CNTNAP5: variants seen among roughly 807,000 people sequenced by gnomAD.
CNTNAP5 encodes the protein contactin-associated protein-like 5.
Under a neutral mutation model 150.2 loss-of-function variants are expected in CNTNAP5, and 72 were observed. That is an observed-to-expected ratio of 0.48 (90% CI 0.40 to 0.58). The LOEUF is 0.58. Among genes scored for constraint, CNTNAP5 ranks in the 20% least tolerant of loss-of-function variants. CNTNAP5 has a pLI of 0.00. For missense variants in CNTNAP5, 1,636 were observed against 1,626.2 expected (o/e 1.01, Z -0.10); for synonymous variants, 672 against 619.8 (o/e 1.08, Z -1.25).
intron 12 of CNTNAP5, among the ~76,000 whole-genome samples, chr2:124,627,629 T>A (rs1011042725): frequency 6.6e-6 from 1 of 151,362 alleles, no homozygotes; most frequent in East Asian, 1.9e-4. Context: ...GCAGAAACAC[T>A]GAAAAATCCC....
intron 11 of CNTNAP5, among the ~76,000 whole-genome samples, chr2:124,588,107 C>G (rs1423571220): frequency 2.0e-5 from 3 of 148,204 alleles, no homozygotes; most frequent in African/African-American, 7.6e-5. Flanking sequence ...TTCTTCCTTC[C>G]TTCCCTCCTT....
At chr2:124,588,753 G>C (rs904675135) in intron 11 of CNTNAP5, among the ~76,000 whole-genome samples, 1 of 152,074 alleles carries the variant, frequency 6.6e-6, no homozygotes, top group African/African-American at 2.4e-5. Context: ...CTGTTGCTAC[G>C]TTTTATCTTA....
At chr2:124,337,215 G>A (rs1689495026) in intron 3 of CNTNAP5, among the ~76,000 whole-genome samples, 1 of 152,014 alleles carries the variant, frequency 6.6e-6, no homozygotes, top group Admixed American at 6.6e-5. Context: ...TTGTTGATGG[G>A]GTTGTTTGTT....
chr2:124,548,744 G>A (rs1458214730), intron 10 of CNTNAP5, among the ~76,000 whole-genome samples: 8 of 152,180 alleles, frequency 5.3e-5, no homozygotes, highest in Non-Finnish European at 1.0e-4. Flanking sequence ...AGAGTTCACA[G>A]TTACTTACAT....
intron 13 of CNTNAP5, among the ~76,000 whole-genome samples, chr2:124,710,013 C>CAA (rs70999206): frequency 0.16 from 24,639 of 151,836 alleles, 2,254 homozygotes; most frequent in East Asian, 0.23. Context: ...TACAAAATTA[C>CAA]AAAAAAAGTG....
intron 1 of CNTNAP5, among the ~76,000 whole-genome samples, chr2:124,185,153 C>T (rs1027605058): frequency 6.6e-6 from 1 of 152,152 alleles, no homozygotes; most frequent in Admixed American, 6.5e-5. Flanking sequence ...ATTAAAATTC[C>T]TTTTGCATGT....
chr2:124,743,457 A>T (rs1214266877), intron 13 of CNTNAP5, among the ~76,000 whole-genome samples: 2 of 152,096 alleles, frequency 1.3e-5, no homozygotes, highest in Admixed American at 1.3e-4. Context: ...CTCTGATGGG[A>T]AGATAGCCCC....
rs372092551 is a variant in CNTNAP5, at chr2:124,282,148, G to A, written c.381+39755G>A. Among the ~76,000 whole-genome samples the A allele has an allele frequency of 2.0e-4, 31 of 152,214 alleles. No individual in the cohort carries two copies. The East Asian group carries it at 3.3e-3, about 16-fold the overall frequency. ...AGCATAGGCACCCAAAAAGGGCAAA[G>A]CATTACTGATGGTAAAACAAAGGGC... On this transcript the variant is annotated intron_variant, in intron 3 of 23. Coordinates refer to ENST00000682447, the MANE Select transcript of CNTNAP5 (RefSeq NM_001367498.1).
chr2:124,577,724 G>T (rs1346611613), intron 11 of CNTNAP5, among the ~76,000 whole-genome samples: 1 of 152,156 alleles, frequency 6.6e-6, no homozygotes, highest in Non-Finnish European at 1.5e-5. Context: ...AGGAGAAGGA[G>T]ATGAGCCGTA....
At chr2:124,336,230 A>G (rs906074483) in intron 3 of CNTNAP5, among the ~76,000 whole-genome samples, 79 of 151,988 alleles carry the variant, frequency 5.2e-4, no homozygotes, top group African/African-American at 1.9e-3. Context: ...AAAGGTTGCC[A>G]TATTATACAA....
intron 21 of CNTNAP5, among the ~76,000 whole-genome samples, chr2:124,883,260 C>G (rs187256871): frequency 2.0e-5 from 3 of 151,944 alleles, no homozygotes; most frequent in Non-Finnish European, 4.4e-5. Context: ...TGGGCTTTCA[C>G]CATGTTGCCC....
intron 1 of CNTNAP5, among the ~76,000 whole-genome samples, chr2:124,220,161 T>A (rs1686268068): frequency 6.6e-6 from 1 of 151,716 alleles, no homozygotes; most frequent in Non-Finnish European, 1.5e-5. Context: ...AAAAAATAAA[T>A]CAAACCAATT....
intron 3 of CNTNAP5, among the ~76,000 whole-genome samples, chr2:124,302,467 T>C (rs2104647413): frequency 6.6e-6 from 1 of 152,260 alleles, no homozygotes; most frequent in South Asian, 2.1e-4. Flanking sequence ...AGAGTCTTTG[T>C]GATGCATCAT....
At chr2:124,705,180 C>G (rs1321743027) in intron 13 of CNTNAP5, among the ~76,000 whole-genome samples, 1 of 152,082 alleles carries the variant, frequency 6.6e-6, no homozygotes, top group Non-Finnish European at 1.5e-5. Context: ...GTCTGTGTAA[C>G]TCTCCTTTCC....
At chr2:124,547,674 G>A (rs943340799) in intron 10 of CNTNAP5, among the ~76,000 whole-genome samples, 3 of 152,206 alleles carry the variant, frequency 2.0e-5, no homozygotes, top group Non-Finnish European at 2.9e-5. Flanking sequence ...GGTCCAGCCA[G>A]GCCAAAGAGA....
At position 124,422,329 on chromosome 2, in the gene CNTNAP5, T is replaced by G. The variant is rs572773309; in HGVS notation, c.529+4739T>G. 2.0e-5 allele frequency among the ~76,000 whole-genome samples: 3 copies of G among 152,338 alleles called. No individual in the cohort carries two copies. The South Asian group carries it at 6.2e-4, about 32-fold the overall frequency. On this transcript the variant is annotated intron_variant, in intron 4 of 23. Coordinates refer to ENST00000682447, the MANE Select transcript of CNTNAP5 (RefSeq NM_001367498.1). ...TCTACATTTTGGAAATATTAACATA[T>G]TTCTTCCACTAATTTATTCATTCAG...
rs182104116 is a variant in CNTNAP5, at chr2:124,074,430, C to T, written c.82+48698C>T. On this transcript the variant is annotated intron_variant, in intron 1 of 23. Coordinates refer to ENST00000682447, the MANE Select transcript of CNTNAP5 (RefSeq NM_001367498.1). ...GATGTGATTATTACACATTCCATGC[C>T]TATATCAAAGTATCTCATGTACCCC... 2.1e-4 allele frequency among the ~76,000 whole-genome samples: 32 copies of T among 152,218 alleles called. 1 individual carries two copies. In the East Asian group the frequency reaches 4.6e-3, roughly 22 times the overall value.
chr2:124,313,658 C>G (rs1017850567), intron 3 of CNTNAP5, among the ~76,000 whole-genome samples: 2 of 152,206 alleles, frequency 1.3e-5, no homozygotes, highest in Non-Finnish European at 2.9e-5. Flanking sequence ...CCCGTGGTAA[C>G]TGTCTAGAAT....
chr2:124,205,790 T>TC (rs1289833629), intron 1 of CNTNAP5, among the ~76,000 whole-genome samples: 4 of 152,230 alleles, frequency 2.6e-5, no homozygotes, highest in African/African-American at 9.6e-5. Flanking sequence ...TTCTCTTTTT[T>TC]CCTCTGTGTG....
Sources: gnomAD v4.1 joint callset for allele counts (sites outside exome capture counted in the v4.1 genomes callset) on GRCh38, gnomAD v4.1.1 for gene constraint, MANE v1.5 for transcripts, NCBI Gene and HGNC (gene_info 2026-07-23, HGNC 2026-07-21) for gene names.